Variants in SYT14 observed in about 807,000 individuals in gnomAD.
SYT14 encodes the protein synaptotagmin 14, also known as synaptotagmin-14.
A neutral mutation model predicts 74.2 loss-of-function variants in SYT14; 32 were observed. The ratio of observed to expected loss-of-function variants is 0.43; its 90% confidence interval spans 0.33 to 0.58. The LOEUF is 0.58. Ranked by LOEUF, SYT14 falls within the 20% of genes least tolerant of loss-of-function variation. SYT14 has a pLI of 0.05. For missense variants in SYT14, 791 were observed against 981.8 expected, an observed-to-expected ratio of 0.81 and a Z score of 2.60; for synonymous variants, 298 against 337.7, an observed-to-expected ratio of 0.88 and a Z score of 1.29.
At chr1:210,089,103 C>T (rs2081808357) in intron 5 of SYT14, among the ~76,000 whole-genome samples, 1 of 152,118 alleles carries the variant, frequency 6.6e-6, no homozygotes, top group Non-Finnish European at 1.5e-5. Flanking sequence ...TTGTTCAATT[C>T]CCACTTATGA....
intron 7 of SYT14, among the ~76,000 whole-genome samples, chr1:210,142,847 G>A (rs2082946211): frequency 6.6e-6 from 1 of 152,072 alleles, no homozygotes; most frequent in African/African-American, 2.4e-5. Flanking sequence ...AGATAACTAA[G>A]ATGAAATTGC....
At chr1:210,054,174 T>C (rs890837470) in intron 5 of SYT14, among the ~76,000 whole-genome samples, 1 of 152,206 alleles carries the variant, frequency 6.6e-6, no homozygotes, top group Non-Finnish European at 1.5e-5. Flanking sequence ...GGTACAACTT[T>C]CATTGTTGAT....
rs959050741 is a variant in SYT14 at position 210,154,300 on chromosome 1, C to T, written c.2035-1421C>T. On this transcript the variant is annotated intron_variant, in intron 7 of 9. Coordinates refer to ENST00000637265, the Ensembl canonical transcript of SYT14. ...CAGTCCATGGCCTGTTAGGAATGGG[C>T]GCCGCACAGCAGGAGGTGAGCAGCA... is the stretch of plus-strand genomic sequence containing the variant. 3.9e-5 allele frequency among the ~76,000 whole-genome samples: 6 copies of T among 152,094 alleles called. No individual in the cohort carries two copies. The East Asian group carries it at 5.8e-4, about 15-fold the overall frequency.
At chr1:210,129,571 A>G (rs1200205485) in intron 7 of SYT14, among the ~76,000 whole-genome samples, 2 of 152,206 alleles carry the variant, frequency 1.3e-5, no homozygotes, top group Non-Finnish European at 2.9e-5. Context: ...ATAACCAGCT[A>G]ATGTCTACTG....
exon 10 of SYT14, chr1:210,165,210 G>T (rs2083442927): frequency 1.3e-5 from 2 of 152,034 alleles, no homozygotes; most frequent in Admixed American, 1.3e-4. Flanking sequence ...TATGCATGTT[G>T]CATTTGCCTC....
intron 7 of SYT14, among the ~76,000 whole-genome samples, chr1:210,107,750 C>G (rs190132635): frequency 1.5e-4 from 23 of 152,024 alleles, no homozygotes; most frequent in African/African-American, 5.3e-4. Flanking sequence ...AATAAAATAG[C>G]TATAGTTTGA....
intron 7 of SYT14, among the ~76,000 whole-genome samples, chr1:210,109,102 T>A (rs1170623786): frequency 6.6e-6 from 1 of 151,266 alleles, no homozygotes; most frequent in Non-Finnish European, 1.5e-5. Flanking sequence ...GAATCAAATT[T>A]ACAAGAAAAA....
chr1:209,938,404 C>A (rs1274176294), intron 1 of SYT14, 127 bp downstream of exon 1: 8 of 884,430 alleles, frequency 9.0e-6, no homozygotes, highest in African/African-American at 3.5e-5. Flanking sequence ...GCTGAAGACG[C>A]GCGGGGGTCC....
intron 5 of SYT14, among the ~76,000 whole-genome samples, chr1:210,024,544 G>A (rs974625707): frequency 6.6e-6 from 1 of 151,662 alleles, no homozygotes; most frequent in Non-Finnish European, 1.5e-5. Context: ...GGTTGGAAGT[G>A]AGCAGTGAAT....
chr1:210,017,481 C>G (rs568658972), intron 4 of SYT14, among the ~76,000 whole-genome samples: 34 of 152,148 alleles, frequency 2.2e-4, no homozygotes, highest in African/African-American at 7.7e-4. Flanking sequence ...CTCTGAAGCC[C>G]TTTATACAGT....
At chr1:209,979,996 T>C (rs1225802605) in intron 2 of SYT14, among the ~76,000 whole-genome samples, 1 of 152,230 alleles carries the variant, frequency 6.6e-6, no homozygotes, top group Admixed American at 6.5e-5. Context: ...CTGGGTCAAA[T>C]GGTATTTCTG....
intron 1 of SYT14, among the ~76,000 whole-genome samples, chr1:209,950,236 C>A (rs980765549): frequency 3.9e-5 from 6 of 151,990 alleles, no homozygotes; most frequent in Admixed American, 6.6e-5. Flanking sequence ...AGAGAATAAG[C>A]CTTAATATGT....
chr1:210,130,714 C>T (rs1572352512), intron 7 of SYT14, among the ~76,000 whole-genome samples: 1 of 152,148 alleles, frequency 6.6e-6, no homozygotes, highest in Non-Finnish European at 1.5e-5. Flanking sequence ...GAAATAGAAA[C>T]CATTGCTATT....
At chr1:209,988,969 T>G (rs970121000) in intron 2 of SYT14, among the ~76,000 whole-genome samples, 11 of 152,220 alleles carry the variant, frequency 7.2e-5, no homozygotes, top group African/African-American at 2.7e-4. Flanking sequence ...CTCCCAGGTT[T>G]ATCTCCTCAA....
chr1:209,957,948 C>T (rs913169359), intron 2 of SYT14, among the ~76,000 whole-genome samples: 14 of 151,724 alleles, frequency 9.2e-5, no homozygotes, highest in African/African-American at 3.1e-4. Flanking sequence ...CCCCTCCTTC[C>T]TTCTTTCTCT....
intron 5 of SYT14, among the ~76,000 whole-genome samples, chr1:210,027,657 A>C (rs1269866569): frequency 1.3e-5 from 2 of 152,044 alleles, no homozygotes; most frequent in Non-Finnish European, 2.9e-5. Flanking sequence ...GATTTTGGGT[A>C]AGCTTTTTTC....
intron 5 of SYT14, among the ~76,000 whole-genome samples, chr1:210,034,367 C>T (rs1223502315): frequency 6.6e-6 from 1 of 151,424 alleles, no homozygotes; most frequent in African/African-American, 2.4e-5. Flanking sequence ...TTTATTGCTG[C>T]TTTATTTTTA....
intron 5 of SYT14, among the ~76,000 whole-genome samples, chr1:210,070,397 G>A (rs927046110): frequency 1.3e-5 from 2 of 152,034 alleles, no homozygotes; most frequent in African/African-American, 2.4e-5. Flanking sequence ...ACTGTTAAAT[G>A]TTATGGATTC....
chr1:210,067,451 A>C (rs1323010134), intron 5 of SYT14, among the ~76,000 whole-genome samples: 1 of 151,964 alleles, frequency 6.6e-6, no homozygotes, highest in Non-Finnish European at 1.5e-5. Flanking sequence ...CAGTTATTCA[A>C]GTCTTCTTTA....
Sources: gnomAD v4.1 joint callset for allele counts (sites outside exome capture counted in the v4.1 genomes callset) on GRCh38, gnomAD v4.1.1 for gene constraint, MANE v1.5 for transcripts, NCBI Gene and HGNC (gene_info 2026-07-23, HGNC 2026-07-21) for gene names.